The following TUT1 variants were observed in gnomAD, a reference collection of about 807,000 sequenced individuals.
TUT1 encodes the protein speckle targeted PIP5K1A-regulated poly(A) polymerase.
TUT1 carries 26 observed loss-of-function variants against 48.8 expected under a neutral mutation model. The observed-to-expected ratio is 0.53, with a 90% CI of 0.39 to 0.74. The LOEUF is 0.74. TUT1 is among the 30% of genes least tolerant of loss of function. TUT1 has a pLI of 0.00. For synonymous variants in TUT1, 470 were observed against 460.8 expected, an observed-to-expected ratio of 1.02 and a Z score of -0.26; for missense variants, 1,065 against 1,114.8, an observed-to-expected ratio of 0.96 and a Z score of 0.64.
In TUT1 at chr11:62,576,146, C is replaced by T; in HGVS notation, c.1573G>A (p.Gly525Ser). ...REGQALPVAG[G>S]LPSNLWEGLR... is the part of the protein sequence containing the mutation. ...CCCTCCCAGAGATTAGAAGGCAGGC[C>T]CCCTGCCACAGGCAGTGCCTGACCC... is the stretch of plus-strand genomic sequence containing the variant. The change falls in exon 9 of 9, where the codon GGC becomes AGC. Residue 525 changes from glycine to serine, a missense_variant. Transcript: ENST00000476907. 1 of 1,613,952 alleles carries T rather than the reference C, an allele frequency of 6.2e-7. No individual in the cohort carries two copies. Among genetic ancestry groups the T allele is most frequent in the Non-Finnish European group, 8.5e-7 (1 of 1,179,946 alleles).
intron 4 of TUT1, 146 bp downstream of exon 4, chr11:62,580,960 C>A: frequency 1.5e-6 from 1 of 658,326 alleles, no homozygotes; most frequent in Non-Finnish European, 2.7e-6. Flanking sequence ...TCACATCTCT[C>A]CAATTACAAT....
In TUT1 at chr11:62,581,626, C is replaced by T. The variant is rs777843439; in HGVS notation, c.349G>A (p.Gly117Arg). Residue 117 changes from glycine to arginine, a missense_variant, in exon 3 of 9, where the codon GGA becomes AGA. By Grantham distance (125) the Gly-to-Arg change is moderately radical. Coordinates refer to ENST00000476907, the MANE Select transcript of TUT1 (RefSeq NM_022830.3). ...AVLSQSQHSL[G>R]GHRLRVRPRE... ...GGGCGGACACGCAGGCGATGTCCTCCCAGGCTGTGCTGGGACTGTGACAAG... is the reference window on the plus strand; with the variant it reads ...GGGCGGACACGCAGGCGATGTCCTCTCAGGCTGTGCTGGGACTGTGACAAG... The T allele has an allele frequency of 1.8e-5, 28 of 1,572,892 alleles. No homozygotes were observed. The highest frequency in any genetic ancestry group is 2.2e-5 in the Non-Finnish European group (26 of 1,158,300).
At chr11:62,582,250 G>A (rs1202630220) in intron 2 of TUT1, among the ~76,000 whole-genome samples, 1 of 151,958 alleles carries the variant, frequency 6.6e-6, no homozygotes, top group African/African-American at 2.4e-5. Context: ...TGGGATTACA[G>A]GTGTGAGCCA....
At chr11:62,582,351 C>G in intron 2 of TUT1, 1 of 198,534 alleles carries the variant, frequency 5.0e-6, no homozygotes, top group South Asian at 5.7e-5. Flanking sequence ...AGCCCGGGGG[C>G]TGAGATTGCA....
chr11:62,577,094 T>A (rs1190247175), intron 6 of TUT1, 77 bp from the exon 7 acceptor site: 16 of 1,582,460 alleles, frequency 1.0e-5, no homozygotes, highest in Non-Finnish European at 1.4e-5. Context: ...TCAACCCCGG[T>A]GCCCATTCTG....
At chr11:62,581,884 G>A (rs1241799801) in intron 2 of TUT1, among the ~76,000 whole-genome samples, 183 bp from the exon 3 acceptor site, 1 of 152,140 alleles carries the variant, frequency 6.6e-6, no homozygotes, top group Admixed American at 6.5e-5. Context: ...AGTGACTCAT[G>A]CCTGTAATCC....
At chr11:62,579,408 T>C (rs1941789837) in intron 4 of TUT1, among the ~76,000 whole-genome samples, 1 of 152,186 alleles carries the variant, frequency 6.6e-6, no homozygotes, top group South Asian at 2.1e-4. Context: ...GGTTATACAC[T>C]AGAATACCTT....
In TUT1 at chr11:62,575,318, C is replaced by G. The variant is rs1031315047; in HGVS notation, c.2401G>C (p.Ala801Pro). The G allele has an allele frequency of 6.2e-7, 1 of 1,614,210 alleles. No homozygotes were observed. The highest frequency in any genetic ancestry group is 8.5e-7 in the Non-Finnish European group (1 of 1,180,034). Residue 801 changes from alanine to proline, a missense_variant, in exon 9 of 9, where the codon GCA becomes CCA. Transcript: ENST00000476907. ...TGAGCCTCAGTCGCCAGCCACCCTG[C>G]TCTTGTGCCAGCGCCACCTCCAGCT... ...EGAGGGAGTRAGWLATEAQVT... is the reference protein window; with the variant it reads ...EGAGGGAGTRPGWLATEAQVT...
rs772768932 is a variant in TUT1, at chr11:62,576,897, G to T, written c.1381+10C>A. ...AACAAGATGGAGAGGGTGGAGGCTA[G>T]GCCGAGTACCTGCTTTCTGGGTGAG... On this transcript the variant is annotated intron_variant, in intron 7 of 8. Coordinates refer to ENST00000476907, the MANE Select transcript of TUT1 (RefSeq NM_022830.3). 3 of 1,613,140 alleles carry T rather than the reference G, an allele frequency of 1.9e-6. No homozygotes were observed. The African/African-American group carries it at 4.0e-5, about 22-fold the overall frequency.
At chr11:62,583,617 AAAAAG>A (rs1204406773) in intron 2 of TUT1, among the ~76,000 whole-genome samples, 1 of 152,196 alleles carries the variant, frequency 6.6e-6, no homozygotes, top group Non-Finnish European at 1.5e-5. Context: ...AAAAAGAAAA[AAAAAG>A]AAGAGGAAAA....
intron 5 of TUT1, 179 bp from the exon 6 acceptor site, chr11:62,577,470 C>T (rs1590716531): frequency 1.7e-6 from 1 of 594,292 alleles, no homozygotes; most frequent in Non-Finnish European, 3.0e-6. Flanking sequence ...GTTCGGGAAA[C>T]ACTTCATCCT....
chr11:62,577,466 G>A, intron 5 of TUT1, 175 bp from the exon 6 acceptor site: 1 of 599,038 alleles, frequency 1.7e-6, no homozygotes, highest in Non-Finnish European at 2.9e-6. Flanking sequence ...AGGAGTTCGG[G>A]AAACACTTCA....
chr11:62,579,004 T>A lies in TUT1; in HGVS notation c.717A>T (p.Pro239=). ...GGGAAGCCAGGGCCGAGTCCAGCGA[T>A]GGAGATTCTGGAGCCTTTGGGACTG... The part of the protein sequence containing the change: ...PQPVPKAPES[P]SLDSALASPL... Residue 239 remains proline, a synonymous_variant, in exon 5 of 9, where the codon CCA becomes CCT. Coordinates refer to ENST00000476907, the MANE Select transcript of TUT1 (RefSeq NM_022830.3). The A allele has an allele frequency of 2.0e-6, 3 of 1,514,440 alleles. No homozygotes were observed. Among genetic ancestry groups the A allele is most frequent in the South Asian group, 1.3e-5 (1 of 74,462 alleles). The allele number at this position is 1,514,440 out of a possible 1,614,324, so 93.8% of individuals were successfully genotyped here. A position where few individuals can be genotyped will look rare whatever the true frequency, so the allele number is the denominator to read the frequency against.
intron 2 of TUT1, among the ~76,000 whole-genome samples, chr11:62,588,010 C>T (rs571637274): frequency 1.3e-4 from 20 of 152,198 alleles, no homozygotes; most frequent in South Asian, 2.1e-4. Context: ...TGGAGTTGAT[C>T]CAATGGTATG....
Position 62,576,106 on chromosome 11 carries a change from G to C in TUT1, c.1613C>G (p.Pro538Arg), listed in dbSNP as rs1166638523. Residue 538 changes from proline to arginine, a missense_variant, in exon 9 of 9, where the codon CCC becomes CGC. Transcript: ENST00000476907. ...GTCAAAAGGGTCCTGGAGATTCAGG[G>C]GGCCAAGGCGCAGACCCTCCCAGAG... is the stretch of plus-strand genomic sequence containing the variant. ...SNLWEGLRLG[P>R]LNLQDPFDLS... 1.2e-6 allele frequency: 2 copies of C among 1,614,052 alleles called. No individual in the cohort carries two copies. The highest frequency in any genetic ancestry group is 1.7e-6 in the Non-Finnish European group (2 of 1,180,032).
chr11:62,589,242 C>A (rs769351308), intron 1 of TUT1, 21 bp from the exon 2 acceptor site: 12 of 1,610,584 alleles, frequency 7.5e-6, no homozygotes, highest in African/African-American at 6.7e-5. Context: ...AAGTGTGAGA[C>A]AAAAACATGC....
chr11:62,575,866 T>G lies in TUT1; in HGVS notation c.1853A>C (p.Gln618Pro), dbSNP rs768373139. The G allele has an allele frequency of 1.6e-5, 26 of 1,614,022 alleles. No homozygotes were observed. The East Asian group carries it at 5.8e-4, about 36-fold the overall frequency. The change falls in exon 9 of 9, where the codon CAG becomes CCG. Residue 618 changes from glutamine (Q) to proline (P), a missense_variant. Transcript: ENST00000476907. Reference sequence around the variant, plus strand: ...TACCTGCACCAGGGCAGCAGTGAGCTGGGTGAAGGGTGCAAGGGGTAAAGG... The same window carrying G: ...TACCTGCACCAGGGCAGCAGTGAGCGGGGTGAAGGGTGCAAGGGGTAAAGG... ...PIPLPLAPFT[Q>P]LTAALVQVFR... is the part of the protein sequence containing the mutation.
chr11:62,584,935 C>A (rs1941885700), intron 2 of TUT1, among the ~76,000 whole-genome samples: 1 of 152,018 alleles, frequency 6.6e-6, no homozygotes, highest in Non-Finnish European at 1.5e-5. Flanking sequence ...AATTCTCCTG[C>A]CTCAGTCTCC....
chr11:62,579,001 C>T lies in TUT1; in HGVS notation c.720G>A (p.Ser240=), dbSNP rs760625974. 4 of 1,513,816 alleles carry T rather than the reference C, an allele frequency of 2.6e-6. No homozygotes were observed. The highest frequency in any genetic ancestry group is 1.4e-5 in the African/African-American group (1 of 71,546). The allele number at this position is 1,513,816 out of a possible 1,614,324, so 93.8% of individuals were successfully genotyped here. ...QPVPKAPESP[S]LDSALASPLD... ...GTGGGGAAGCCAGGGCCGAGTCCAG[C>T]GATGGAGATTCTGGAGCCTTTGGGA... The change falls in exon 5 of 9, where the codon TCG becomes TCA. Residue 240 remains serine, a synonymous_variant. Coordinates refer to ENST00000476907, the MANE Select transcript of TUT1 (RefSeq NM_022830.3).
Sources: gnomAD v4.1 joint callset for allele counts (sites outside exome capture counted in the v4.1 genomes callset) on GRCh38, gnomAD v4.1.1 for gene constraint, MANE v1.5 for transcripts, NCBI Gene and HGNC (gene_info 2026-07-23, HGNC 2026-07-21) for gene names.